CSMD1: variants seen among roughly 807,000 people sequenced by gnomAD.
The protein encoded by CSMD1 is CUB and Sushi multiple domains 1, also known as CUB and sushi domain-containing protein 1.
In CSMD1, 213 loss-of-function variants were observed where a neutral mutation model predicts 417.5. That is an observed-to-expected ratio of 0.51 (90% CI 0.46 to 0.57). CSMD1 has a LOEUF of 0.57. Among genes scored for constraint, CSMD1 ranks in the 20% least tolerant of loss-of-function variants. The pLI is 0.00. For missense variants in CSMD1, 6,923 were observed against 4,529.7 expected, an observed-to-expected ratio of 1.53 and a Z score of -15.17; for synonymous variants, 2,862 against 1,736.8, an observed-to-expected ratio of 1.65 and a Z score of -16.11.
At chr8:2,993,279 A>T (rs1806562422) in intron 54 of CSMD1, among the ~76,000 whole-genome samples, 1 of 152,202 alleles carries the variant, frequency 6.6e-6, no homozygotes, top group Non-Finnish European at 1.5e-5. Flanking sequence ...TGAAGCAACA[A>T]ATGGGTGTGG....
chr8:3,849,977 G>A (rs917364333), intron 5 of CSMD1, among the ~76,000 whole-genome samples: 2 of 147,170 alleles, frequency 1.4e-5, no homozygotes, highest in Non-Finnish European at 3.0e-5. Context: ...TACCATGCTC[G>A]GCTAATTTGT....
intron 10 of CSMD1, among the ~76,000 whole-genome samples, chr8:3,545,521 T>G (rs1444206369): frequency 2.0e-5 from 3 of 152,184 alleles, no homozygotes; most frequent in African/African-American, 7.2e-5. Flanking sequence ...ATCATACTGT[T>G]CGGTATAATT....
intron 1 of CSMD1, among the ~76,000 whole-genome samples, chr8:4,875,677 C>T (rs561017008): frequency 4.3e-4 from 65 of 152,182 alleles, no homozygotes; most frequent in Admixed American, 1.3e-3. Flanking sequence ...GAAAAGTAAT[C>T]AGTTATAAAC....
intron 3 of CSMD1, among the ~76,000 whole-genome samples, chr8:4,163,208 T>C (rs1797267667): frequency 6.6e-6 from 1 of 152,198 alleles, no homozygotes; most frequent in South Asian, 2.1e-4. Context: ...TTGGCAGGTT[T>C]TTCAGTACAC....
chr8:3,717,308 G>C (rs1801894127), intron 6 of CSMD1, among the ~76,000 whole-genome samples: 1 of 152,020 alleles, frequency 6.6e-6, no homozygotes, highest in Admixed American at 6.6e-5. Context: ...GTATTTTAAT[G>C]AACTTGTATG....
intron 5 of CSMD1, among the ~76,000 whole-genome samples, chr8:3,993,213 T>C (rs999971587): frequency 5.3e-5 from 8 of 152,208 alleles, no homozygotes; most frequent in Admixed American, 2.0e-4. Flanking sequence ...TCTGTGTTAG[T>C]GCTGCAAATT....
chr8:4,776,973 A>G (rs769380989), intron 1 of CSMD1, among the ~76,000 whole-genome samples: 1 of 152,204 alleles, frequency 6.6e-6, no homozygotes, highest in South Asian at 2.1e-4. Flanking sequence ...ATTATTTGTC[A>G]ATATCAATTT....
intron 5 of CSMD1, among the ~76,000 whole-genome samples, chr8:3,892,770 A>G (rs1378437397): frequency 1.5e-5 from 2 of 135,442 alleles, no homozygotes; most frequent in Non-Finnish European, 3.0e-5. Flanking sequence ...ATTGCTAGCC[A>G]TCGTAGGACA....
intron 5 of CSMD1, among the ~76,000 whole-genome samples, chr8:3,943,955 T>A: frequency 6.6e-6 from 1 of 152,254 alleles, no homozygotes; most frequent in Middle Eastern, 3.4e-3. Flanking sequence ...TAGGTAAAAT[T>A]TGAATTAGGT....
At position 3,369,341 on chromosome 8, in the gene CSMD1, T is replaced by G; in HGVS notation, c.2812A>C (p.Ser938Arg). The part of the protein sequence containing the change: ...ALCGGYIQGK[S>R]GTVLSPGFPD... The stretch of plus-strand genomic sequence containing the variant: ...AACCCAGGAGAAAGGACTGTTCCAC[T>G]CTTCCCTTGGATGTAGCCTCCACAT... The change falls in exon 19 of 70, where the codon AGT becomes CGT. Residue 938 changes from serine to arginine, a missense_variant. Coordinates refer to ENST00000635120, the MANE Select transcript of CSMD1 (RefSeq NM_033225.6). The G allele has an allele frequency of 1.3e-6, 2 of 1,598,590 alleles. No homozygotes were observed. The highest frequency in any genetic ancestry group is 1.7e-6 in the Non-Finnish European group (2 of 1,166,462).
intron 3 of CSMD1, among the ~76,000 whole-genome samples, chr8:4,181,148 G>A (rs920567024): frequency 6.6e-6 from 1 of 152,004 alleles, no homozygotes; most frequent in Non-Finnish European, 1.5e-5. Flanking sequence ...CATCTATTTT[G>A]GTGTATTTGC....
At chr8:4,008,889 C>T (rs555424914) in intron 4 of CSMD1, among the ~76,000 whole-genome samples, 19 of 152,114 alleles carry the variant, frequency 1.2e-4, no homozygotes, top group Non-Finnish European at 1.3e-4. Context: ...GGATTACAGG[C>T]GTGAGCCACC....
chr8:4,141,822 A>G (rs572260468), intron 3 of CSMD1, among the ~76,000 whole-genome samples: 76 of 151,178 alleles, frequency 5.0e-4, no homozygotes, highest in Non-Finnish European at 9.3e-4. Flanking sequence ...AACTGAACAT[A>G]TAATTCATCA....
chr8:4,079,308 G>A lies in CSMD1; in HGVS notation c.416-47209C>T, dbSNP rs1585267746. The stretch of plus-strand genomic sequence containing the variant: ...TGTACCATGAGCAGATAAACAAATT[G>A]TGACTAGGCAATGTCTGCATCCCTT... On this transcript the variant is annotated intron_variant, in intron 3 of 69. Transcript: ENST00000635120. Among the ~76,000 whole-genome samples the A allele has an allele frequency of 2.0e-5, 3 of 152,268 alleles. No homozygotes were observed. In the South Asian group the frequency reaches 6.2e-4, roughly 32 times the overall value.
intron 37 of CSMD1, among the ~76,000 whole-genome samples, chr8:3,164,667 A>G (rs993248288): frequency 2.6e-5 from 4 of 152,194 alleles, no homozygotes; most frequent in African/African-American, 9.6e-5. Flanking sequence ...AATACTAAAA[A>G]TCTACTTTAG....
intron 12 of CSMD1, among the ~76,000 whole-genome samples, chr8:3,443,318 A>G (rs536720567): frequency 6.6e-6 from 1 of 152,294 alleles, no homozygotes; most frequent in South Asian, 2.1e-4. Context: ...GGAGTGCTGT[A>G]CAGCCAGAGA....
intron 26 of CSMD1, among the ~76,000 whole-genome samples, chr8:3,277,330 C>A (rs1802373487): frequency 1.3e-5 from 2 of 152,140 alleles, no homozygotes; most frequent in South Asian, 4.1e-4. Context: ...GGAAAAGGTT[C>A]ACCTGGGTGC....
chr8:4,601,558 G>A (rs746763819), intron 2 of CSMD1, among the ~76,000 whole-genome samples: 2 of 152,176 alleles, frequency 1.3e-5, no homozygotes, highest in African/African-American at 2.4e-5. Context: ...ATAAAAGGTA[G>A]TATTAAGAAT....
At chr8:4,068,643 G>A (rs187099279) in intron 3 of CSMD1, among the ~76,000 whole-genome samples, 1 of 152,226 alleles carries the variant, frequency 6.6e-6, no homozygotes, top group East Asian at 1.9e-4. Flanking sequence ...CAGTGGAACT[G>A]TGAGTTTAAG....
Sources: allele counts gnomAD v4.1 joint callset (sites outside exome capture counted in the v4.1 genomes callset), GRCh38; gene constraint gnomAD v4.1.1; transcripts MANE v1.5; gene names NCBI Gene and HGNC (gene_info 2026-07-23, HGNC 2026-07-21).